Variants in GSE1 observed in about 807,000 individuals in gnomAD.
GSE1 encodes genetic suppressor element 1.
In GSE1, 32 loss-of-function variants were observed where a neutral mutation model predicts 112.6. The ratio of observed to expected loss-of-function variants is 0.28; its 90% CI spans 0.21 to 0.38. GSE1 has a LOEUF of 0.38. GSE1 is among the 10% of genes least tolerant of loss of function. GSE1 has a pLI of 1.00. For missense variants in GSE1, 2,348 were observed against 1,699.2 expected (o/e 1.38, Z -6.71); for synonymous variants, 1,115 against 735.6 (o/e 1.52, Z -8.35).
At chr16:85,585,875 C>T (rs1025416269) in intron 1 of GSE1, among the ~76,000 whole-genome samples, 1 of 152,192 alleles carries the variant, frequency 6.6e-6, no homozygotes, top group African/African-American at 2.4e-5. Context: ...AGCCAGCCTG[C>T]CTAGGGTCAC....
intron 2 of GSE1, among the ~76,000 whole-genome samples, chr16:85,430,263 G>C (rs1442462957): frequency 6.6e-6 from 1 of 152,214 alleles, no homozygotes; most frequent in Non-Finnish European, 1.5e-5. Context: ...GATGAGGCCA[G>C]CCCCAGAAGC....
chr16:85,586,782 C>T (rs745784739), intron 1 of GSE1, among the ~76,000 whole-genome samples: 3 of 152,228 alleles, frequency 2.0e-5, no homozygotes, highest in Non-Finnish European at 2.9e-5. Flanking sequence ...ACCCCGGAGC[C>T]GGTGGGCTCT....
chr16:85,170,779 A>G (rs2074346862), exon 1 of GSE1: 2 of 985,356 alleles, frequency 2.0e-6, no homozygotes, highest in South Asian at 4.7e-5. Context: ...GGGCGGCAGT[A>G]CCTTGGTGTG....
chr16:85,186,909 C>T (rs1353877019), intron 1 of GSE1, among the ~76,000 whole-genome samples: 1 of 152,144 alleles, frequency 6.6e-6, no homozygotes, highest in African/African-American at 2.4e-5. Flanking sequence ...CTCACTGACC[C>T]TGTAAACAGG....
At chr16:85,462,389 G>C (rs552070131) in intron 2 of GSE1, among the ~76,000 whole-genome samples, 27 of 152,024 alleles carry the variant, frequency 1.8e-4, no homozygotes, top group Non-Finnish European at 3.7e-4. Flanking sequence ...TTGGTTGCCT[G>C]CCCTCCTCTC....
At chr16:85,623,215 C>CTT (rs34549947) in intron 1 of GSE1, among the ~76,000 whole-genome samples, 29 of 139,930 alleles carry the variant, frequency 2.1e-4, no homozygotes, top group African/African-American at 2.6e-4. Context: ...TTGTCCACTC[C>CTT]TTTTTTTTTT....
At chr16:85,451,737 C>G (rs1034216586) in intron 2 of GSE1, among the ~76,000 whole-genome samples, 4 of 51,988 alleles carry the variant, frequency 7.7e-5, no homozygotes, top group Admixed American at 4.9e-4. Flanking sequence ...GGTGTGTGTG[C>G]TGGTGGTTGG....
chr16:85,651,607 G>A (rs898565586), intron 3 of GSE1, among the ~76,000 whole-genome samples: 5 of 152,208 alleles, frequency 3.3e-5, no homozygotes, highest in African/African-American at 4.8e-5. Context: ...GGCAGCATGC[G>A]GAGGAGGGCG....
intron 2 of GSE1, among the ~76,000 whole-genome samples, chr16:85,435,263 C>G (rs1484663446): frequency 2.0e-5 from 3 of 152,144 alleles, no homozygotes; most frequent in African/African-American, 7.2e-5. Flanking sequence ...GGCCTGGGTC[C>G]TCCTTCTCCC....
At chr16:85,291,488 G>A (rs1371776567) in intron 1 of GSE1, among the ~76,000 whole-genome samples, 7 of 152,164 alleles carry the variant, frequency 4.6e-5, no homozygotes, top group African/African-American at 1.7e-4. Context: ...CCCGGCCCCC[G>A]CGTGAGCCCT....
At chr16:85,186,218 C>A (rs537569361) in intron 1 of GSE1, among the ~76,000 whole-genome samples, 2 of 152,174 alleles carry the variant, frequency 1.3e-5, no homozygotes, top group Non-Finnish European at 2.9e-5. Flanking sequence ...CGTCTGTAAT[C>A]CCGGCAGTTT....
At position 85,469,130 on chromosome 16, in the gene GSE1, C is replaced by A. The variant is rs150885309; in HGVS notation, c.2464+111487C>A. ...AGTTAGCTGGGTGTGGTGACACGGGCCTGTAATCCCAGCCACTCGGGAGGC... is the reference window on the plus strand; with the variant it reads ...AGTTAGCTGGGTGTGGTGACACGGGACTGTAATCCCAGCCACTCGGGAGGC... On this transcript the variant is annotated intron_variant, in intron 2 of 2. Transcript: ENST00000637419. Among the ~76,000 whole-genome samples, 848 of 152,230 alleles carry A rather than the reference C, an allele frequency of 5.6e-3. 11 individuals are homozygous for A. Among genetic ancestry groups the A allele is most frequent in the Admixed American group, 0.053 (808 of 15,288 alleles).
At position 85,670,754 on chromosome 16, in the gene GSE1, G is replaced by A. The variant is rs530112622; in HGVS notation, c.3416-241G>A. The A allele has an allele frequency of 7.6e-5, 22 of 289,674 alleles. No individual in the cohort carries two copies. In the Admixed American group the frequency reaches 9.3e-4, roughly 12 times the overall value. The allele number at this position is 289,674 out of a possible 1,614,324, so 17.9% of individuals were successfully genotyped here. A position where few individuals can be genotyped will look rare whatever the true frequency, so the allele number is the denominator to read the frequency against. On this transcript the variant is annotated intron_variant, in intron 14 of 15. Coordinates refer to ENST00000253458, the MANE Select transcript of GSE1 (RefSeq NM_014615.5). ...ATTTCTTCCTAATCTGTATCAAATT[G>A]CCTTTAGGTCCTGGATCCTTTGTCT...
chr16:85,663,909 G>C (rs762394009), intron 11 of GSE1, among the ~76,000 whole-genome samples: 4 of 152,240 alleles, frequency 2.6e-5, no homozygotes, highest in Non-Finnish European at 4.4e-5. Flanking sequence ...GTGCTCCAGT[G>C]ACCACCAGGC....
chr16:85,463,642 C>G (rs372914436), intron 2 of GSE1, among the ~76,000 whole-genome samples: 92 of 152,312 alleles, frequency 6.0e-4, no homozygotes, highest in African/African-American at 1.9e-3. Flanking sequence ...CAACCTACCC[C>G]TCCCCAAACT....
chr16:85,483,860 G>A (rs748483567), intron 2 of GSE1, among the ~76,000 whole-genome samples: 11 of 152,252 alleles, frequency 7.2e-5, no homozygotes, highest in Admixed American at 2.6e-4. Flanking sequence ...AGTCCTCGGT[G>A]TACCGTCCCC....
intron 3 of GSE1, among the ~76,000 whole-genome samples, chr16:85,652,102 C>G (rs950360834): frequency 3.5e-4 from 54 of 152,366 alleles, no homozygotes; most frequent in African/African-American, 1.2e-3. Flanking sequence ...GGCCCCCACC[C>G]TGCTGGTGCG....
chr16:85,604,805 A>T (rs12926703), intron 1 of GSE1, among the ~76,000 whole-genome samples: 1 of 1,228 alleles, frequency 8.1e-4, no homozygotes, highest in Non-Finnish European at 3.2e-3. Flanking sequence ...ATATATATAT[A>T]TTTTTTTTTT....
chr16:85,365,440 C>A lies in GSE1; in HGVS notation c.2464+7797C>A, dbSNP rs1273878602. 2.1e-4 allele frequency among the ~76,000 whole-genome samples: 32 copies of A among 152,220 alleles called. 1 individual carries two copies. Among genetic ancestry groups the A allele is most frequent in the Admixed American group, 2.1e-3 (32 of 15,286 alleles). ...GGCAGCTGGTTCACCTGGCTCCTCC[C>A]AGGTCAAGCTGGGAACACGAAAGAA... is the stretch of plus-strand genomic sequence containing the variant. On this transcript the variant is annotated intron_variant, in intron 2 of 2. Transcript: ENST00000637419.
Sources: gnomAD v4.1 joint callset for allele counts (sites outside exome capture counted in the v4.1 genomes callset) on GRCh38, gnomAD v4.1.1 for gene constraint, MANE v1.5 for transcripts, NCBI Gene and HGNC (gene_info 2026-07-23, HGNC 2026-07-21) for gene names.